Variants in CDC73 observed in about 807,000 individuals in gnomAD.
CDC73 encodes the protein parafibromin.
CDC73 carries 21 observed loss-of-function variants against 83.7 expected under a neutral mutation model. The ratio of observed to expected loss-of-function variants is 0.25; its 90% confidence interval spans 0.18 to 0.36. CDC73 has a LOEUF of 0.36. Among genes scored for constraint, CDC73 ranks in the 10% least tolerant of loss-of-function variants. The pLI, the probability that CDC73 is intolerant of heterozygous loss-of-function variation, is 1.00. For missense variants in CDC73, 342 were observed against 653.3 expected (o/e 0.52, Z 5.19); for synonymous variants, 224 against 212.9 (o/e 1.05, Z -0.45).
At chr1:193,142,123 T>G (rs1675917540) in intron 7 of CDC73, 57 bp downstream of exon 7, 1 of 1,345,466 alleles carries the variant, frequency 7.4e-7, no homozygotes, top group Non-Finnish European at 1.1e-6. Flanking sequence ...GAGAGTGCGT[T>G]TAATCTGTGG....
intron 10 of CDC73, among the ~76,000 whole-genome samples, chr1:193,175,771 G>A (rs1017323391): frequency 2.0e-5 from 3 of 152,160 alleles, no homozygotes; most frequent in African/African-American, 7.2e-5. Flanking sequence ...GAGCATCTGT[G>A]GATTTTGGTG....
chr1:193,148,047 A>G (rs1676040441), intron 8 of CDC73, 82 bp downstream of exon 8: 1 of 916,534 alleles, frequency 1.1e-6, no homozygotes, highest in Non-Finnish European at 1.8e-6. Flanking sequence ...AGACATCTTC[A>G]CATTTTAAAA....
Position 193,192,216 on chromosome 1 carries a change from G to A in CDC73, c.973-11579G>A, listed in dbSNP as rs545292649. Among the ~76,000 whole-genome samples, 357 of 152,238 alleles carry A rather than the reference G, an allele frequency of 2.3e-3. 2 individuals are homozygous for A. The highest frequency in any genetic ancestry group is 8.3e-3 in the African/African-American group (346 of 41,544). ...CCAGCACTTTGGGAGGCCGAGATGA[G>A]CGAATCACCTGAGATTGTGAGTTCA... On this transcript the variant is annotated intron_variant, in intron 10 of 16. Coordinates refer to ENST00000367435, the MANE Select transcript of CDC73 (RefSeq NM_024529.5).
chr1:193,222,977 T>C (rs1677498744), intron 13 of CDC73, among the ~76,000 whole-genome samples: 1 of 152,114 alleles, frequency 6.6e-6, no homozygotes, highest in Non-Finnish European at 1.5e-5. Context: ...CTTAATCTGA[T>C]CTTAAGCCTA....
chr1:193,243,668 T>A (rs1677900769), intron 15 of CDC73, among the ~76,000 whole-genome samples: 2 of 152,200 alleles, frequency 1.3e-5, no homozygotes, highest in Admixed American at 1.3e-4. Context: ...GCATGAGTTT[T>A]AAATTTTTTT....
intron 6 of CDC73, among the ~76,000 whole-genome samples, chr1:193,141,358 G>A (rs1351970011): frequency 6.6e-6 from 1 of 152,128 alleles, no homozygotes; most frequent in African/African-American, 2.4e-5. Context: ...GATTAAAGGA[G>A]TATGTTTTTG....
intron 10 of CDC73, among the ~76,000 whole-genome samples, chr1:193,194,084 A>G (rs1386641922): frequency 6.6e-6 from 1 of 152,194 alleles, no homozygotes; most frequent in Non-Finnish European, 1.5e-5. Flanking sequence ...TTTACATGGA[A>G]CAAAAGAAGA....
At chr1:193,179,740 G>A (rs572055351) in intron 10 of CDC73, 4 of 152,474 alleles carry the variant, frequency 2.6e-5, no homozygotes, top group East Asian at 1.9e-4. Context: ...AAATACTTTC[G>A]TGAGAACTGC....
chr1:193,202,103 T>C (rs1457509608), intron 10 of CDC73, among the ~76,000 whole-genome samples: 2 of 152,156 alleles, frequency 1.3e-5, no homozygotes, highest in Non-Finnish European at 2.9e-5. Context: ...GTAAGTAATA[T>C]GATTAGTTTA....
At chr1:193,150,411 T>A in intron 9 of CDC73, 29 bp downstream of exon 9, 1 of 1,470,476 alleles carries the variant, frequency 6.8e-7, no homozygotes, top group Non-Finnish European at 9.5e-7. Flanking sequence ...ATCTTCCCCT[T>A]AGTGTGGTTG....
At chr1:193,156,411 A>C (rs549822041) in intron 10 of CDC73, among the ~76,000 whole-genome samples, 41 of 152,298 alleles carry the variant, frequency 2.7e-4, no homozygotes, top group African/African-American at 9.6e-4. Flanking sequence ...TTCCTTTAAG[A>C]TCTTTGCTTG....
chr1:193,129,598 C>T lies in CDC73; in HGVS notation c.238-576C>T, dbSNP rs116290668. 2.2e-3 allele frequency among the ~76,000 whole-genome samples: 338 copies of T among 151,716 alleles called. 2 individuals carry two copies. Among genetic ancestry groups the T allele is most frequent in the African/African-American group, 7.1e-3 (294 of 41,336 alleles). On this transcript the variant is annotated intron_variant, in intron 2 of 16. Coordinates refer to ENST00000367435, the MANE Select transcript of CDC73 (RefSeq NM_024529.5). ...CTCGGCTCACTGAAACGCCTGTCTCCGCCTCCTGGGTTCCAGTGATTCTCC... is the reference window on the plus strand; with the variant it reads ...CTCGGCTCACTGAAACGCCTGTCTCTGCCTCCTGGGTTCCAGTGATTCTCC...
chr1:193,245,672 A>G (rs60161861), intron 15 of CDC73, among the ~76,000 whole-genome samples: 3 of 152,156 alleles, frequency 2.0e-5, no homozygotes, highest in African/African-American at 4.8e-5. Context: ...TTGCTGGATC[A>G]TATGGTAGTT....
intron 13 of CDC73, among the ~76,000 whole-genome samples, chr1:193,224,381 TATATGAAATATGCATTCACATATACAC>T (rs1283708007): frequency 1.5e-3 from 228 of 152,040 alleles, no homozygotes; most frequent in African/African-American, 5.0e-3. Flanking sequence ...CATATACACA[TATATGAAATATGCATTCACATATACAC>T]ATATGAAATA....
At chr1:193,153,204 ACTTT>A (rs1279923820) in intron 10 of CDC73, among the ~76,000 whole-genome samples, 2 of 152,114 alleles carry the variant, frequency 1.3e-5, no homozygotes, top group African/African-American at 4.8e-5. Flanking sequence ...TGTTTAGCAA[ACTTT>A]CTTTTTTTAA....
At chr1:193,166,260 T>G (rs1472849027) in intron 10 of CDC73, among the ~76,000 whole-genome samples, 1 of 152,112 alleles carries the variant, frequency 6.6e-6, no homozygotes, top group Non-Finnish European at 1.5e-5. Context: ...CTTTATTTCC[T>G]GGGCTCAATC....
At chr1:193,128,889 T>C (rs1336795411) in intron 2 of CDC73, among the ~76,000 whole-genome samples, 3 of 152,108 alleles carry the variant, frequency 2.0e-5, no homozygotes, top group African/African-American at 4.8e-5. Context: ...TGAAATCTGT[T>C]AGCTACCAAT....
intron 14 of CDC73, among the ~76,000 whole-genome samples, chr1:193,235,070 G>T (rs376553715): frequency 6.6e-6 from 1 of 152,024 alleles, no homozygotes; most frequent in Non-Finnish European, 1.5e-5. Flanking sequence ...AATTGCAGTG[G>T]TTATCAAAGT....
chr1:193,135,359 TA>T, intron 3 of CDC73, 31 bp from the exon 4 acceptor site: 2 of 1,546,568 alleles, frequency 1.3e-6, no homozygotes, highest in Non-Finnish European at 1.8e-6. Context: ...GTTGAAATAG[TA>T]ATCCTTACGT....
Sources: allele counts gnomAD v4.1 joint callset (sites outside exome capture counted in the v4.1 genomes callset), GRCh38; gene constraint gnomAD v4.1.1; transcripts MANE v1.5; gene names NCBI Gene and HGNC (gene_info 2026-07-23, HGNC 2026-07-21).